PRR16: variants seen among roughly 807,000 people sequenced by gnomAD.
PRR16 encodes proline rich 16.
PRR16 carries 6 observed loss-of-function variants against 18.2 expected under a neutral mutation model. The ratio of observed to expected loss-of-function variants is 0.33; its 90% CI spans 0.18 to 0.65. The LOEUF is 0.65. PRR16 is among the 30% of genes least tolerant of loss of function. The pLI is 0.74. For synonymous variants in PRR16, 151 were observed against 147.8 expected (o/e 1.02, Z -0.16); for missense variants, 412 against 376.6 (o/e 1.09, Z -0.78).
the PRR16 span, among the ~76,000 whole-genome samples, chr5:120,779,239 A>C: frequency 6.6e-6 from 1 of 152,212 alleles, no homozygotes; most frequent in Non-Finnish European, 1.5e-5. Context: ...CACATCAGTG[A>C]ATAAAAAGGA....
chr5:120,616,363 C>A (rs529763753), intron 1 of PRR16, among the ~76,000 whole-genome samples: 50 of 152,202 alleles, frequency 3.3e-4, no homozygotes, highest in Non-Finnish European at 6.0e-4. Flanking sequence ...CAAGCTCCAA[C>A]TGCCCTCTGG....
chr5:120,632,076 C>A (rs1411371747), intron 1 of PRR16, among the ~76,000 whole-genome samples: 3 of 152,164 alleles, frequency 2.0e-5, no homozygotes, highest in Non-Finnish European at 2.9e-5. Context: ...TGCAGATACT[C>A]CCCAGTACCA....
intron 1 of PRR16, among the ~76,000 whole-genome samples, chr5:120,565,692 G>T (rs939207210): frequency 1.3e-5 from 2 of 152,104 alleles, no homozygotes; most frequent in Non-Finnish European, 2.9e-5. Context: ...AGACTTATAG[G>T]ATGTAAGAAG....
the PRR16 span, among the ~76,000 whole-genome samples, chr5:120,750,385 G>A: frequency 1.6e-3 from 239 of 152,122 alleles, 1 homozygote; most frequent in South Asian, 0.018. Flanking sequence ...AGAGTCAGGC[G>A]CGGTGGCTCA....
chr5:120,601,280 G>A (rs372897399), intron 1 of PRR16, among the ~76,000 whole-genome samples: 7 of 152,060 alleles, frequency 4.6e-5, no homozygotes, highest in Middle Eastern at 6.8e-3. Flanking sequence ...AGTGGTGGGA[G>A]ATGATGCTTT....
chr5:120,714,043 A>G, the PRR16 span, among the ~76,000 whole-genome samples: 290 of 152,230 alleles, frequency 1.9e-3, 1 homozygote, highest in African/African-American at 6.5e-3. Flanking sequence ...GAAAACAATT[A>G]TAAGGAAAAA....
chr5:120,532,087 A>G (rs112612445), intron 1 of PRR16, among the ~76,000 whole-genome samples: 19 of 152,296 alleles, frequency 1.2e-4, no homozygotes, highest in African/African-American at 4.3e-4. Flanking sequence ...GAAAATGAAA[A>G]TAAAATTTAT....
At chr5:120,537,773 T>C (rs76433234) in intron 1 of PRR16, among the ~76,000 whole-genome samples, 1 of 119,202 alleles carries the variant, frequency 8.4e-6, no homozygotes, top group Admixed American at 9.6e-5. Flanking sequence ...TTTAATGTTT[T>C]TTTTTTTTTT....
chr5:120,498,966 T>C (rs1053604456), intron 1 of PRR16, among the ~76,000 whole-genome samples: 22 of 143,206 alleles, frequency 1.5e-4, no homozygotes, highest in South Asian at 4.4e-4. Flanking sequence ...CTCTTTGTCT[T>C]TAGTTTTGAG....
chr5:120,774,020 C>G, the PRR16 span, among the ~76,000 whole-genome samples: 2,349 of 152,140 alleles, frequency 0.015, 58 homozygotes, highest in African/African-American at 0.054. Flanking sequence ...TAAAGTCACA[C>G]TGCAAATGGT....
chr5:120,780,956 A>G, the PRR16 span, among the ~76,000 whole-genome samples: 5 of 152,202 alleles, frequency 3.3e-5, no homozygotes, highest in Non-Finnish European at 7.3e-5. Context: ...AGGCTGAGGC[A>G]GGAGAATTCC....
At chr5:120,591,391 T>C (rs2112774751) in intron 1 of PRR16, among the ~76,000 whole-genome samples, 1 of 152,154 alleles carries the variant, frequency 6.6e-6, no homozygotes, top group Middle Eastern at 3.4e-3. Flanking sequence ...ATTCCATATA[T>C]CCCTCTTTCT....
intron 1 of PRR16, among the ~76,000 whole-genome samples, chr5:120,549,656 A>G (rs753794437): frequency 2.6e-5 from 4 of 152,068 alleles, no homozygotes; most frequent in Non-Finnish European, 5.9e-5. Context: ...TGTCTTGGCT[A>G]AAGTAGATAG....
chr5:120,491,236 A>T (rs569090661), intron 1 of PRR16, among the ~76,000 whole-genome samples: 7 of 152,174 alleles, frequency 4.6e-5, no homozygotes, highest in Non-Finnish European at 1.0e-4. Context: ...GTTACACTGA[A>T]TATAGCATGA....
intron 1 of PRR16, among the ~76,000 whole-genome samples, chr5:120,532,967 C>T (rs1561534222): frequency 1.3e-5 from 2 of 152,282 alleles, no homozygotes; most frequent in South Asian, 4.1e-4. Flanking sequence ...CTGGGTCGTT[C>T]TGTCTCAGAG....
chr5:120,596,596 CA>C (rs1405902538), intron 1 of PRR16, among the ~76,000 whole-genome samples: 1 of 151,604 alleles, frequency 6.6e-6, no homozygotes, highest in African/African-American at 2.4e-5. Context: ...CAACTTAAAG[CA>C]AATATTTTTT....
intron 1 of PRR16, among the ~76,000 whole-genome samples, chr5:120,488,333 A>G (rs1258780187): frequency 6.6e-6 from 1 of 152,108 alleles, no homozygotes; most frequent in East Asian, 1.9e-4. Context: ...AGAGCTTGCT[A>G]TTGGTCTCTT....
chr5:120,700,455 G>A, the PRR16 span, among the ~76,000 whole-genome samples: 3 of 152,068 alleles, frequency 2.0e-5, no homozygotes, highest in African/African-American at 7.2e-5. Flanking sequence ...GGATACAAGA[G>A]GAGGATGCAA....
At chr5:120,780,584 AAT>A in the PRR16 span, among the ~76,000 whole-genome samples, 1 of 152,198 alleles carries the variant, frequency 6.6e-6, no homozygotes, top group African/African-American at 2.4e-5. Context: ...TGTATATAAT[AAT>A]ATTACAATTT....
Sources: allele counts gnomAD v4.1 joint callset (sites outside exome capture counted in the v4.1 genomes callset), GRCh38; gene constraint gnomAD v4.1.1; transcripts MANE v1.5; gene names NCBI Gene and HGNC (gene_info 2026-07-23, HGNC 2026-07-21).